The following POLR1B variants were observed in gnomAD, a reference collection of about 807,000 sequenced individuals.
POLR1B encodes DNA-directed RNA polymerase I subunit RPA2.
Under a neutral mutation model 105.8 loss-of-function variants are expected in POLR1B, and 30 were observed. The ratio of observed to expected loss-of-function variants is 0.28; its 90% CI spans 0.21 to 0.38. The LOEUF (loss-of-function observed/expected upper bound fraction) is 0.38, where lower values mean the gene tolerates loss of function less well. Among genes scored for constraint, POLR1B ranks in the 10% least tolerant of loss-of-function variants. The pLI is 1.00. For synonymous variants in POLR1B, 485 were observed against 505.1 expected, an observed-to-expected ratio of 0.96 and a Z score of 0.53; for missense variants, 976 against 1,435.8, an observed-to-expected ratio of 0.68 and a Z score of 5.17.
At chr2:112,551,626 C>A (rs571608806) in intron 5 of POLR1B, 149 bp from the exon 6 acceptor site, 1 of 672,776 alleles carries the variant, frequency 1.5e-6, no homozygotes, top group Non-Finnish European at 2.5e-6. Context: ...ACAAAGAATG[C>A]TTTATTTTAG....
At chr2:112,573,467 C>G in intron 13 of POLR1B, 95 bp from the exon 14 acceptor site, 3 of 1,412,558 alleles carry the variant, frequency 2.1e-6, no homozygotes, top group Non-Finnish European at 2.9e-6. Flanking sequence ...AAATGTGATG[C>G]CAGTTATCCT....
chr2:112,563,455 A>T (rs938220149), intron 9 of POLR1B, among the ~76,000 whole-genome samples: 2 of 152,210 alleles, frequency 1.3e-5, no homozygotes, highest in Non-Finnish European at 2.9e-5. Flanking sequence ...ATAGCATTTT[A>T]CCCACAGAGG....
chr2:112,566,754 G>A (rs1433898293), intron 10 of POLR1B, among the ~76,000 whole-genome samples: 1 of 148,378 alleles, frequency 6.7e-6, no homozygotes, highest in Non-Finnish European at 1.5e-5. Flanking sequence ...TTTTTTTGAG[G>A]CAGAGTCTCG....
At chr2:112,555,112 C>T (rs887758487) in intron 7 of POLR1B, among the ~76,000 whole-genome samples, 3 of 152,090 alleles carry the variant, frequency 2.0e-5, no homozygotes, top group Admixed American at 1.3e-4. Context: ...GCCTGGGAGA[C>T]GGAGGTTACA....
intron 9 of POLR1B, among the ~76,000 whole-genome samples, chr2:112,563,851 C>T (rs1684139005): frequency 6.6e-6 from 1 of 152,132 alleles, no homozygotes; most frequent in East Asian, 1.9e-4. Flanking sequence ...GAGCCATGAT[C>T]ATGCCACTGC....
chr2:112,559,015 C>A (rs1683818968), intron 8 of POLR1B, among the ~76,000 whole-genome samples: 1 of 150,572 alleles, frequency 6.6e-6, no homozygotes, highest in African/African-American at 2.4e-5. Context: ...ATGAATTTAA[C>A]TACTTGCTAT....
In POLR1B at chr2:112,578,514, ACACAG is replaced by A. The variant is rs1684963389; in HGVS notation, c.*2786_*2790del. Among the ~76,000 whole-genome samples the A allele has an allele frequency of 6.6e-6, 1 of 152,162 alleles. No homozygotes were observed. The highest frequency in any genetic ancestry group is 6.5e-5 in the Admixed American group (1 of 15,270). On this transcript the variant is annotated 3_prime_UTR_variant, in exon 15 of 15. Transcript: ENST00000263331. ...CAATAGTTAATTCCTTTTTATTGCT[ACACAG>A]TACTCCATAGTATGAATATACTATG...
In POLR1B at chr2:112,547,412, T is replaced by C. The variant is rs373756148; in HGVS notation, c.346-9T>C. The C allele has an allele frequency of 2.5e-6, 4 of 1,608,032 alleles. No individual in the cohort carries two copies. Among genetic ancestry groups the C allele is most frequent in the African/African-American group, 2.7e-5 (2 of 74,584 alleles). On this transcript the variant is annotated splice_polypyrimidine_tract_variant and intron_variant, in intron 2 of 14. Coordinates refer to ENST00000263331, the MANE Select transcript of POLR1B (RefSeq NM_019014.6). ...CTGTTAAGTAACTTTTTCTCTTGTT[T>C]TCATTTAGGCTGATATCAACTGGGC...
intron 10 of POLR1B, among the ~76,000 whole-genome samples, chr2:112,566,098 C>T (rs1180435748): frequency 6.6e-6 from 1 of 152,116 alleles, no homozygotes; most frequent in Admixed American, 6.6e-5. Context: ...AACTGATCCA[C>T]CCGCCTTGGC....
At position 112,564,489 on chromosome 2, in the gene POLR1B, G is replaced by A. The variant is rs148143581; in HGVS notation, c.1736G>A (p.Arg579His). 5.3e-5 allele frequency: 86 copies of A among 1,614,102 alleles called. No individual in the cohort carries two copies. In the Middle Eastern group the frequency reaches 8.2e-4, roughly 15 times the overall value. Residue 579 changes from arginine (R) to histidine (H), a missense_variant, in exon 10 of 15, where the codon CGT becomes CAT. Transcript: ENST00000263331. Reference sequence around the variant, plus strand: ...GCTCCAGGCATCGCAGATTCTCTTCGTCATTTTAAGGTGGGCTTGAGGCTT... The same window carrying A: ...GCTCCAGGCATCGCAGATTCTCTTCATCATTTTAAGGTGGGCTTGAGGCTT... The part of the protein sequence containing the change: ...DLAPGIADSL[R>H]HFKVLREKRI...
Position 112,578,465 on chromosome 2 carries a change from A to G in POLR1B, c.*2736A>G, listed in dbSNP as rs1378444115. 6.6e-6 allele frequency among the ~76,000 whole-genome samples: 1 copy of G among 152,182 alleles called. No individual in the cohort carries two copies. The highest frequency in any genetic ancestry group is 1.5e-5 in the Non-Finnish European group (1 of 68,036). On this transcript the variant is annotated 3_prime_UTR_variant, in exon 15 of 15. Transcript: ENST00000263331. ...GGCCTTTTCACTCCATTCCCTTGAG[A>G]TACATCCAGGTAGTTGCATGTATCA...
rs1302491842 is a variant in POLR1B at position 112,575,986 on chromosome 2, T to C, written c.*257T>C. ...TGAAATATTGATAAATGGAAGAGCA[T>C]ACGGTGACAAGTCTCCTTTCCAACC... On this transcript the variant is annotated 3_prime_UTR_variant, in exon 15 of 15. Transcript: ENST00000263331. This position sits in a 1 kb window ranked among gnomAD's most constrained non-coding sequence, Gnocchi z 5.3. The C allele has an allele frequency of 4.4e-6, 2 of 449,612 alleles. No homozygotes were observed. Among genetic ancestry groups the C allele is most frequent in the Non-Finnish European group, 8.0e-6 (2 of 248,894 alleles). 27.9% of individuals were successfully genotyped at this position (449,612 alleles called of 1,614,324 possible).
intron 9 of POLR1B, among the ~76,000 whole-genome samples, chr2:112,562,639 G>A (rs913827661): frequency 3.3e-5 from 5 of 152,038 alleles, no homozygotes; most frequent in Admixed American, 6.6e-5. Flanking sequence ...TTTGCTGGTG[G>A]AAGGTCTTGC....
At chr2:112,551,345 A>G (rs890047582) in intron 5 of POLR1B, among the ~76,000 whole-genome samples, 1 of 152,176 alleles carries the variant, frequency 6.6e-6, no homozygotes, top group African/African-American at 2.4e-5. Flanking sequence ...AGGTCTCCTC[A>G]TGGGGTTGCT....
At chr2:112,567,320 TTG>T (rs1428479930) in intron 10 of POLR1B, among the ~76,000 whole-genome samples, 8 of 152,038 alleles carry the variant, frequency 5.3e-5, no homozygotes, top group South Asian at 2.1e-4. Flanking sequence ...GTTGTTGTTG[TTG>T]TTTTCAGGTT....
At chr2:112,559,712 G>A (rs1019799518) in intron 9 of POLR1B, 138 bp downstream of exon 9, 1 of 1,002,546 alleles carries the variant, frequency 1.0e-6, no homozygotes, top group African/African-American at 1.6e-5. Flanking sequence ...CTCACTGCAA[G>A]CTCTGCCTCC....
In POLR1B at chr2:112,542,490, G is replaced by A; in HGVS notation, c.-5G>A. 1 of 1,613,892 alleles carries A rather than the reference G, an allele frequency of 6.2e-7. No individual in the cohort carries two copies. Among genetic ancestry groups the A allele is most frequent in the South Asian group, 1.1e-5 (1 of 91,078 alleles). Reference sequence around the variant, plus strand: ...GAGACTGGCGTCCGGTGTGCAGGTGGCCACATGGATCCTGGCAGCCGGTGG... The same window carrying A: ...GAGACTGGCGTCCGGTGTGCAGGTGACCACATGGATCCTGGCAGCCGGTGG... On this transcript the variant is annotated 5_prime_UTR_variant, in exon 1 of 15. Transcript: ENST00000263331.
intron 4 of POLR1B, 47 bp downstream of exon 4, chr2:112,549,446 C>A: frequency 2.2e-4 from 233 of 1,050,702 alleles, no homozygotes; most frequent in Middle Eastern, 5.1e-4. Flanking sequence ...AAATTTAAAA[C>A]TTTTTTTTTT....
Position 112,559,525 on chromosome 2 carries a change from C to T in POLR1B, c.1563C>T (p.Val521=). The change falls in exon 9 of 15, where the codon GTC becomes GTT. Residue 521 remains valine, a synonymous_variant. Coordinates refer to ENST00000263331, the MANE Select transcript of POLR1B (RefSeq NM_019014.6). ...ACCTAACTGCCGTATGTGAGGTTGT[C>T]ACACAGTTTGTGTATACGGCATCTA... ...MNHLTAVCEV[V]TQFVYTASIP... is the part of the protein sequence containing the mutation. 2.5e-6 allele frequency: 4 copies of T among 1,614,232 alleles called. No individual in the cohort carries two copies. The highest frequency in any genetic ancestry group is 3.4e-6 in the Non-Finnish European group (4 of 1,180,040).
Sources: allele counts gnomAD v4.1 joint callset (sites outside exome capture counted in the v4.1 genomes callset), GRCh38; gene constraint gnomAD v4.1.1; non-coding constraint Gnocchi (gnomAD v3.1); transcripts MANE v1.5; gene names NCBI Gene and HGNC (gene_info 2026-07-23, HGNC 2026-07-21).